Variants in PBX1 observed in about 807,000 individuals in gnomAD.
The protein encoded by PBX1 is pre-B-cell leukemia transcription factor 1.
In PBX1, 6 loss-of-function variants were observed where a neutral mutation model predicts 53.4. That is an observed-to-expected ratio of 0.11 (90% CI 0.06 to 0.22). The LOEUF (loss-of-function observed/expected upper bound fraction) is 0.22. Ranked by LOEUF, PBX1 falls within the 10% of genes least tolerant of loss-of-function variation. The pLI, the probability that PBX1 is intolerant of heterozygous loss-of-function variation, is 1.00. For synonymous variants in PBX1, 204 were observed against 212.3 expected, an observed-to-expected ratio of 0.96 and a Z score of 0.34; for missense variants, 251 against 551.4, an observed-to-expected ratio of 0.46 and a Z score of 5.46.
chr1:164,857,396 T>C (rs761735697), intron 2 of PBX1, among the ~76,000 whole-genome samples: 1 of 131,136 alleles, frequency 7.6e-6, no homozygotes, highest in East Asian at 2.1e-4. Context: ...GCCACCCTCC[T>C]GGCATGTGGA....
At chr1:164,688,516 A>G (rs1172329541) in intron 2 of PBX1, among the ~76,000 whole-genome samples, 1 of 152,162 alleles carries the variant, frequency 6.6e-6, no homozygotes, top group Non-Finnish European at 1.5e-5. Context: ...TGGGATTTCC[A>G]TCTCTAATCC....
At chr1:164,578,073 A>G (rs989949717) in intron 2 of PBX1, among the ~76,000 whole-genome samples, 9 of 152,142 alleles carry the variant, frequency 5.9e-5, no homozygotes, top group Admixed American at 2.6e-4. Flanking sequence ...ACTCCTCTCT[A>G]GGTGTTTCAA....
chr1:164,645,401 C>T (rs1659394122), intron 2 of PBX1, among the ~76,000 whole-genome samples: 1 of 152,136 alleles, frequency 6.6e-6, no homozygotes, highest in Non-Finnish European at 1.5e-5. Context: ...CACTAGGGAG[C>T]ATTAACTCCC....
At chr1:164,660,641 C>A (rs1251700681) in intron 2 of PBX1, among the ~76,000 whole-genome samples, 1 of 152,200 alleles carries the variant, frequency 6.6e-6, no homozygotes, top group Non-Finnish European at 1.5e-5. Flanking sequence ...ATACTGACGC[C>A]TGCTGCCATT....
intron 2 of PBX1, among the ~76,000 whole-genome samples, chr1:164,686,984 AAAAC>A (rs954724906): frequency 3.3e-5 from 5 of 152,176 alleles, no homozygotes; most frequent in Non-Finnish European, 5.9e-5. Flanking sequence ...AACGAAAACA[AAAAC>A]AAAACCAAAT....
At chr1:164,882,133 G>A (rs912106071) in intron 2 of PBX1, among the ~76,000 whole-genome samples, 6 of 149,376 alleles carry the variant, frequency 4.0e-5, no homozygotes, top group African/African-American at 1.5e-4. Context: ...TTTTTTGGTA[G>A]TTGAGGTAGG....
At chr1:164,830,811 C>T (rs1670717604) in intron 8 of PBX1, among the ~76,000 whole-genome samples, 1 of 152,158 alleles carries the variant, frequency 6.6e-6, no homozygotes, top group South Asian at 2.1e-4. Context: ...GTGTAGTCTG[C>T]AGATCAACAA....
At chr1:164,655,017 CAG>C (rs1176259560) in intron 2 of PBX1, among the ~76,000 whole-genome samples, 4 of 151,316 alleles carry the variant, frequency 2.6e-5, no homozygotes, top group Non-Finnish European at 4.4e-5. Flanking sequence ...TTGGATAACT[CAG>C]GGGAAGAACT....
At position 164,846,696 on chromosome 1, in the gene PBX1, C is replaced by T. The variant is rs370789005; in HGVS notation, c.*20C>T. ...AACTGATCTCCCAGCAATCGCATCCCGGCTGACCCTGTGCCCCAGTTGGGG... is the reference window on the plus strand; with the variant it reads ...AACTGATCTCCCAGCAATCGCATCCTGGCTGACCCTGTGCCCCAGTTGGGG... On this transcript the variant is annotated 3_prime_UTR_variant, in exon 9 of 9. Transcript: ENST00000420696. The T allele has an allele frequency of 4.3e-6, 7 of 1,613,932 alleles. No homozygotes were observed. The highest frequency in any genetic ancestry group is 1.7e-5 in the Admixed American group (1 of 60,006).
At chr1:164,732,095 C>G (rs1399275215) in intron 2 of PBX1, among the ~76,000 whole-genome samples, 8 of 152,156 alleles carry the variant, frequency 5.3e-5, no homozygotes, top group Non-Finnish European at 1.2e-4. Context: ...AGTGTGGAAG[C>G]CAGTCTTTTA....
At chr1:164,665,400 T>G (rs1163660131) in intron 2 of PBX1, among the ~76,000 whole-genome samples, 1 of 152,144 alleles carries the variant, frequency 6.6e-6, no homozygotes, top group African/African-American at 2.4e-5. Flanking sequence ...TCCTCCCACC[T>G]CAGACCCCAG....
intron 2 of PBX1, chr1:164,684,222 C>G (rs1307806494): frequency 6.6e-6 from 1 of 152,130 alleles, no homozygotes; most frequent in African/African-American, 2.4e-5. Flanking sequence ...TCCTTAAGCT[C>G]AAGGGTCTTG....
chr1:164,859,728 G>A (rs994127866), intron 2 of PBX1, among the ~76,000 whole-genome samples: 1 of 152,154 alleles, frequency 6.6e-6, no homozygotes, highest in African/African-American at 2.4e-5. Context: ...GCATGTACTG[G>A]CCACCTCCTA....
At chr1:164,694,226 T>A (rs1258687708) in intron 2 of PBX1, among the ~76,000 whole-genome samples, 1 of 152,210 alleles carries the variant, frequency 6.6e-6, no homozygotes, top group Non-Finnish European at 1.5e-5. Context: ...TTCTCATTTC[T>A]TCATCTCTGT....
At chr1:164,711,568 T>C (rs765325458) in intron 2 of PBX1, among the ~76,000 whole-genome samples, 3 of 152,210 alleles carry the variant, frequency 2.0e-5, no homozygotes, top group Non-Finnish European at 4.4e-5. Context: ...CGGCTAGTTT[T>C]CTCTTTTTGT....
At chr1:164,641,746 G>C (rs1402844845) in intron 2 of PBX1, 1 of 152,218 alleles carries the variant, frequency 6.6e-6, no homozygotes, top group African/African-American at 2.4e-5. Flanking sequence ...AGAATACTGT[G>C]AGAAAGGATT....
chr1:164,597,566 T>C (rs887089766), intron 2 of PBX1, among the ~76,000 whole-genome samples: 1 of 152,324 alleles, frequency 6.6e-6, no homozygotes, highest in South Asian at 2.1e-4. Flanking sequence ...CAGAGGACCA[T>C]GATATTCATC....
chr1:164,733,803 A>AT (rs373714928), intron 2 of PBX1, among the ~76,000 whole-genome samples: 121 of 152,272 alleles, frequency 7.9e-4, no homozygotes, highest in Middle Eastern at 3.4e-3. Context: ...TAATTATAAG[A>AT]TTTTTTCTGT....
chr1:164,781,892 C>T (rs575042657), intron 2 of PBX1, among the ~76,000 whole-genome samples: 22 of 152,112 alleles, frequency 1.4e-4, no homozygotes, highest in Non-Finnish European at 2.9e-4. Context: ...TTCTAATTTT[C>T]TCTGTAATAC....
Sources: gnomAD v4.1 joint callset for allele counts (sites outside exome capture counted in the v4.1 genomes callset) on GRCh38, gnomAD v4.1.1 for gene constraint, MANE v1.5 for transcripts, NCBI Gene and HGNC (gene_info 2026-07-23, HGNC 2026-07-21) for gene names.